Variants in NHSL1 observed in about 807,000 individuals in gnomAD.
NHSL1 encodes the protein NHS-like protein 1.
In NHSL1, 48 loss-of-function variants were observed where a neutral mutation model predicts 95.0. The ratio of observed to expected loss-of-function variants is 0.51; its 90% confidence interval spans 0.40 to 0.64. The LOEUF is 0.64. NHSL1 is among the 30% of genes least tolerant of loss of function. NHSL1 has a pLI of 0.00. For synonymous variants in NHSL1, 783 were observed against 833.9 expected (o/e 0.94, Z 1.05); for missense variants, 1,971 against 2,077.7 (o/e 0.95, Z 1.00).
At chr6:138,647,022 C>A (rs1218179665) in intron 1 of NHSL1, among the ~76,000 whole-genome samples, 1 of 152,158 alleles carries the variant, frequency 6.6e-6, no homozygotes, top group African/African-American at 2.4e-5. Flanking sequence ...TTACAAACAT[C>A]CGTGATGGAG....
intron 7 of NHSL1, among the ~76,000 whole-genome samples, chr6:138,425,255 C>A (rs1775187709): frequency 6.6e-6 from 1 of 152,112 alleles, no homozygotes; most frequent in Non-Finnish European, 1.5e-5. Flanking sequence ...CCATGCCCAG[C>A]CCAGCTAATT....
rs144946975 is a variant in NHSL1 at position 138,612,066 on chromosome 6, C to T, written c.96+80410G>A. 9.7e-3 allele frequency among the ~76,000 whole-genome samples: 1,415 copies of T among 145,350 alleles called. 26 individuals carry two copies. The highest frequency in any genetic ancestry group is 0.033 in the African/African-American group (1,306 of 39,122). ...CGGAGGTTGCAGTGAGCCAAGATCA[C>T]GCCACTGCACTCCAGCCTGAGCAAC... On this transcript the variant is annotated intron_variant, in intron 1 of 3. Coordinates refer to the NHSL1 transcript ENST00000491526.
chr6:138,601,761 G>A (rs997970347), intron 1 of NHSL1, among the ~76,000 whole-genome samples: 2 of 152,086 alleles, frequency 1.3e-5, no homozygotes, highest in African/African-American at 4.8e-5. Context: ...GCAGTGAACC[G>A]AGATCACGCC....
chr6:138,488,277 CAA>C (rs72245938), intron 2 of NHSL1, among the ~76,000 whole-genome samples: 18,210 of 143,422 alleles, frequency 0.13, 1,454 homozygotes, highest in African/African-American at 0.23. Flanking sequence ...GACTCTGTCT[CAA>C]AAAAAAAAAA....
At chr6:138,555,451 G>C (rs1021784293) in intron 1 of NHSL1, among the ~76,000 whole-genome samples, 2 of 152,212 alleles carry the variant, frequency 1.3e-5, no homozygotes, top group African/African-American at 4.8e-5. Context: ...CGAGGCAGGT[G>C]TGCTTCTGAC....
At chr6:138,512,173 T>C in intron 1 of NHSL1, 1 of 387,340 alleles carries the variant, frequency 2.6e-6, no homozygotes, top group South Asian at 2.0e-5. Context: ...TGAGGGCAGT[T>C]TTAAAATACC....
intron 1 of NHSL1, chr6:138,650,703 A>G: frequency 1.8e-6 from 1 of 550,356 alleles, no homozygotes; most frequent in South Asian, 1.4e-5. Context: ...GGGGTGGGTC[A>G]ACATGCGGGA....
At chr6:138,531,524 T>TA (rs1426672724) in intron 1 of NHSL1, among the ~76,000 whole-genome samples, 1 of 151,948 alleles carries the variant, frequency 6.6e-6, no homozygotes, top group Non-Finnish European at 1.5e-5. Context: ...CTCTCTCTTT[T>TA]TTTTTTTTTC....
At chr6:138,672,453 A>G (rs946627316) in intron 1 of NHSL1, among the ~76,000 whole-genome samples, 1 of 152,156 alleles carries the variant, frequency 6.6e-6, no homozygotes, top group Non-Finnish European at 1.5e-5. Context: ...GGTAATTACT[A>G]TCTATAACCC....
At chr6:138,672,006 C>A (rs1201961473) in intron 1 of NHSL1, among the ~76,000 whole-genome samples, 2 of 151,938 alleles carry the variant, frequency 1.3e-5, no homozygotes, top group African/African-American at 2.4e-5. Context: ...CAATAGATAC[C>A]AATACTTAAA....
chr6:138,467,565 G>A (rs1778475094), intron 3 of NHSL1, among the ~76,000 whole-genome samples: 1 of 152,206 alleles, frequency 6.6e-6, no homozygotes, highest in Non-Finnish European at 1.5e-5. Flanking sequence ...GTTATCATAG[G>A]AGATAACAGC....
At chr6:138,489,944 GGGAGAGAA>G (rs200274642) in intron 2 of NHSL1, among the ~76,000 whole-genome samples, 2,496 of 63,408 alleles carry the variant, frequency 0.039, 189 homozygotes, top group Non-Finnish European at 0.051. Context: ...GGGGGAGAGA[GGGAGAGAA>G]GGAGAGAGGG....
At chr6:138,632,693 A>T (rs1414211240) in intron 1 of NHSL1, among the ~76,000 whole-genome samples, 1 of 152,214 alleles carries the variant, frequency 6.6e-6, no homozygotes, top group Non-Finnish European at 1.5e-5. Flanking sequence ...AGCTTACAGC[A>T]CAACACCCAA....
intron 3 of NHSL1, among the ~76,000 whole-genome samples, chr6:138,459,578 T>C (rs1411037859): frequency 6.6e-6 from 1 of 152,222 alleles, no homozygotes; most frequent in African/African-American, 2.4e-5. Context: ...CTGCACTTTT[T>C]ACACTACAGC....
intron 2 of NHSL1, among the ~76,000 whole-genome samples, chr6:138,482,744 G>A (rs974474023): frequency 6.6e-6 from 1 of 152,114 alleles, no homozygotes; most frequent in Non-Finnish European, 1.5e-5. Context: ...CAGCAGTCAA[G>A]AGCACCAACT....
chr6:138,496,116 T>C, intron 2 of NHSL1, 103 bp downstream of exon 2: 2 of 1,217,190 alleles, frequency 1.6e-6, no homozygotes, highest in East Asian at 2.5e-5. Context: ...TAGCATACTA[T>C]ACATTCAATA....
At chr6:138,569,442 G>C (rs1017906674) in intron 1 of NHSL1, among the ~76,000 whole-genome samples, 13 of 152,254 alleles carry the variant, frequency 8.5e-5, no homozygotes, top group Admixed American at 7.2e-4. Flanking sequence ...TTTGGGCAGA[G>C]AGATATAAAA....
chr6:138,437,413 TACAC>T lies in NHSL1; in HGVS notation c.665-3737_665-3734del, dbSNP rs71546236. Among the ~76,000 whole-genome samples, 34 of 47,912 alleles carry T rather than the reference TACAC, an allele frequency of 7.1e-4. 2 individuals carry two copies. The highest frequency in any genetic ancestry group is 3.5e-3 in the East Asian group (5 of 1,412). 31.4% of individuals were successfully genotyped at this position (47,912 alleles called of 152,430 possible). ...ACATATATATATATATACACACATA[TACAC>T]ACACACACACACACACACACACACA... On this transcript the variant is annotated intron_variant, in intron 5 of 7. Transcript: ENST00000343505.
intron 7 of NHSL1, among the ~76,000 whole-genome samples, chr6:138,425,867 G>A (rs1168508807): frequency 1.5e-5 from 2 of 132,418 alleles, no homozygotes; most frequent in Admixed American, 1.7e-4. Flanking sequence ...AACCCTCCAT[G>A]CCAGACCCTG....
Sources: gnomAD v4.1 joint callset for allele counts (sites outside exome capture counted in the v4.1 genomes callset) on GRCh38, gnomAD v4.1.1 for gene constraint, MANE v1.5 for transcripts, NCBI Gene and HGNC (gene_info 2026-07-23, HGNC 2026-07-21) for gene names.